The following SLC30A3 variants were observed in gnomAD, a reference collection of about 807,000 sequenced individuals.
SLC30A3 encodes the protein probable proton-coupled zinc antiporter SLC30A3.
Under a neutral mutation model 35.6 loss-of-function variants are expected in SLC30A3, and 20 were observed. That is an observed-to-expected ratio of 0.56 (90% CI 0.39 to 0.82). The LOEUF (loss-of-function observed/expected upper bound fraction) is 0.82. Among genes scored for constraint, SLC30A3 ranks in the 40% least tolerant of loss-of-function variants. The probability of loss-of-function intolerance (pLI) is 0.00; values close to 1 mark genes in which losing one functional copy is unlikely to be tolerated. For synonymous variants in SLC30A3, 217 were observed against 224.7 expected (o/e 0.97, Z 0.31); for missense variants, 401 against 530.6 (o/e 0.76, Z 2.40).
intron 1 of SLC30A3, among the ~76,000 whole-genome samples, chr2:27,270,769 C>T (rs1677698143): frequency 1.3e-5 from 2 of 152,112 alleles, no homozygotes; most frequent in Admixed American, 6.5e-5. Context: ...AGCTGAAAGT[C>T]TTCCACCTCC....
intron 1 of SLC30A3, among the ~76,000 whole-genome samples, chr2:27,259,879 T>C (rs903469515): frequency 2.0e-5 from 3 of 152,152 alleles, no homozygotes; most frequent in African/African-American, 4.8e-5. Context: ...CCACTGTCAT[T>C]AGGGCAGTTA....
chr2:27,255,320 G>C lies in SLC30A3; in HGVS notation c.1159C>G (p.Gln387Glu), dbSNP rs200706586. ...GAGGGCAGGGCCATGGCTCAGGCTTGGGGGGGTTCCTGGCAGCGCAGGCAC... is the reference window on the plus strand; with the variant it reads ...GAGGGCAGGGCCATGGCTCAGGCTTCGGGGGGTTCCTGGCAGCGCAGGCAC... ...AQCLRCQEPP[Q>E]A Residue 387 changes from glutamine (Q) to glutamate (E), a missense_variant, in exon 8 of 8, where the codon CAA becomes GAA. Gln to Glu is a conservative substitution (Grantham distance 29, BLOSUM62 2). Coordinates refer to ENST00000233535, the MANE Select transcript of SLC30A3 (RefSeq NM_003459.5). This position sits in a 1 kb window ranked among gnomAD's most constrained non-coding sequence, Gnocchi z 5.2. 3.7e-6 allele frequency: 6 copies of C among 1,613,634 alleles called. No individual in the cohort carries two copies. Among genetic ancestry groups the C allele is most frequent in the South Asian group, 2.2e-5 (2 of 91,058 alleles).
chr2:27,273,598 T>TG (rs903118352), intron 1 of SLC30A3, among the ~76,000 whole-genome samples: 8 of 150,658 alleles, frequency 5.3e-5, no homozygotes, highest in African/African-American at 2.0e-4. Context: ...TTTAAGTGAG[T>TG]GACCTCTAAA....
chr2:27,256,602 C>T, intron 6 of SLC30A3, 82 bp from the exon 7 acceptor site: 2 of 1,576,914 alleles, frequency 1.3e-6, no homozygotes, highest in South Asian at 2.2e-5. Context: ...TTCCACCTCC[C>T]CTATCCTGTA....
At chr2:27,266,250 C>A (rs1020310968), upstream of SLC30A3, among the ~76,000 whole-genome samples, 1 of 152,068 alleles carries the variant, frequency 6.6e-6, no homozygotes, top group South Asian at 2.1e-4. Flanking sequence ...TCTTTCAGCA[C>A]TGATCATACT....
upstream of SLC30A3, among the ~76,000 whole-genome samples, chr2:27,267,917 A>G (rs999218373): frequency 5.3e-5 from 8 of 151,774 alleles, no homozygotes; most frequent in Non-Finnish European, 2.9e-5. Flanking sequence ...CCTGGGCAAC[A>G]AACAAGACTC....
chr2:27,274,199 C>A (rs1677876053), intron 1 of SLC30A3, among the ~76,000 whole-genome samples: 1 of 152,140 alleles, frequency 6.6e-6, no homozygotes, highest in Non-Finnish European at 1.5e-5. Flanking sequence ...GTGGCAGGCA[C>A]CTGTAATCCC....
At chr2:27,270,993 T>C (rs776300993) in intron 1 of SLC30A3, among the ~76,000 whole-genome samples, 1 of 152,090 alleles carries the variant, frequency 6.6e-6, no homozygotes, top group Non-Finnish European at 1.5e-5. Context: ...ACGGTGTAGA[T>C]ACTGAACTTG....
chr2:27,272,068 G>A (rs1167233498), intron 1 of SLC30A3, among the ~76,000 whole-genome samples: 1 of 152,220 alleles, frequency 6.6e-6, no homozygotes, highest in Non-Finnish European at 1.5e-5. Flanking sequence ...AATTAGGTAG[G>A]AGTGTCTCGG....
chr2:27,256,720 T>C, intron 6 of SLC30A3, 68 bp downstream of exon 6: 1 of 1,331,388 alleles, frequency 7.5e-7, no homozygotes, highest in East Asian at 2.3e-5. Flanking sequence ...AAGAAAAAAG[T>C]GATGGCCCAC....
intron 6 of SLC30A3, 70 bp from the exon 7 acceptor site, chr2:27,256,590 G>A (rs1676869330): frequency 6.3e-7 from 1 of 1,595,022 alleles, no homozygotes; most frequent in African/African-American, 1.3e-5. Context: ...CCCACCACTG[G>A]ATTCCACCTC....
chr2:27,273,049 AAAAT>A (rs1558569978), intron 1 of SLC30A3, among the ~76,000 whole-genome samples: 2 of 135,158 alleles, frequency 1.5e-5, no homozygotes, highest in Admixed American at 1.4e-4. Flanking sequence ...AAAAAAAAAA[AAAAT>A]ATATATATAT....
intron 1 of SLC30A3, among the ~76,000 whole-genome samples, chr2:27,260,395 A>T (rs548454321): frequency 1.3e-5 from 2 of 152,276 alleles, no homozygotes; most frequent in East Asian, 3.9e-4. Flanking sequence ...TGGTACCATA[A>T]GTCTCCCTTG....
chr2:27,269,192 C>A, intron 1 of SLC30A3, among the ~76,000 whole-genome samples: 1 of 142,146 alleles, frequency 7.0e-6, no homozygotes. Context: ...TTTTTTTTTT[C>A]TTTTTCTTTT....
At chr2:27,259,019 C>A in intron 1 of SLC30A3, 85 bp from the exon 2 acceptor site, 1 of 1,070,570 alleles carries the variant, frequency 9.3e-7, no homozygotes, top group Middle Eastern at 3.1e-4. Flanking sequence ...GTGCTGGCCT[C>A]ATCAGACCAT....
In SLC30A3 at chr2:27,262,732, G is replaced by A. The variant is rs1396577899; in HGVS notation, c.95+80C>T. 6.7e-6 allele frequency: 9 copies of A among 1,351,052 alleles called. No homozygotes were observed. Among genetic ancestry groups the A allele is most frequent in the Admixed American group, 3.8e-5 (1 of 26,176 alleles). 83.7% of individuals were successfully genotyped at this position (1,351,052 alleles called of 1,614,324 possible). A position where few individuals can be genotyped will look rare whatever the true frequency, so the allele number is the denominator to read the frequency against. On this transcript the variant is annotated intron_variant, in intron 1 of 7. Transcript: ENST00000233535. The surrounding 1 kb of genome is among the most constrained non-coding windows in gnomAD (Gnocchi z 7.5). Reference sequence around the variant, plus strand: ...TGCGCTGGGGCGGCCGCCGGGGCCCGCGCCGAGAGAGACAACGAAATGGAC... The same window carrying A: ...TGCGCTGGGGCGGCCGCCGGGGCCCACGCCGAGAGAGACAACGAAATGGAC...
Position 27,258,650 on chromosome 2 carries a change from C to G in SLC30A3, c.277+103G>C, listed in dbSNP as rs1677008254. 1 of 1,284,512 alleles carries G rather than the reference C, an allele frequency of 7.8e-7. No homozygotes were observed. The highest frequency in any genetic ancestry group is 1.5e-5 in the African/African-American group (1 of 68,160). The allele number at this position is 1,284,512 out of a possible 1,614,324, so 79.6% of individuals were successfully genotyped here. A position where few individuals can be genotyped will look rare whatever the true frequency, so the allele number is the denominator to read the frequency against. ...CCCAGCTCCCCTATCCCAGCCATCC[C>G]CATCTCTGCATCTGCACCCAGGAAC... On this transcript the variant is annotated intron_variant, in intron 2 of 7. Transcript: ENST00000233535. This position sits in a 1 kb window ranked among gnomAD's most constrained non-coding sequence, Gnocchi z 4.0.
chr2:27,259,008 A>G, intron 1 of SLC30A3, 74 bp from the exon 2 acceptor site: 1 of 1,234,402 alleles, frequency 8.1e-7, no homozygotes, highest in East Asian at 2.4e-5. Context: ...CTTAGTCCCC[A>G]GTGCTGGCCT....
chr2:27,268,259 A>G (rs954434668), intron 1 of SLC30A3, among the ~76,000 whole-genome samples: 3 of 152,208 alleles, frequency 2.0e-5, no homozygotes, highest in Non-Finnish European at 2.9e-5. Flanking sequence ...GCTCTAATCT[A>G]TGAGGGAAGA....
Sources: gnomAD v4.1 joint callset for allele counts (sites outside exome capture counted in the v4.1 genomes callset) on GRCh38, gnomAD v4.1.1 for gene constraint, Gnocchi (gnomAD v3.1) non-coding constraint, MANE v1.5 for transcripts, NCBI Gene and HGNC (gene_info 2026-07-23, HGNC 2026-07-21) for gene names.